PCDHA9: variants seen among roughly 807,000 people sequenced by gnomAD.
The protein encoded by PCDHA9 is protocadherin alpha-9.
PCDHA9 carries 62 observed loss-of-function variants against 62.0 expected under a neutral mutation model. The ratio of observed to expected loss-of-function variants is 1.00; its 90% CI spans 0.81 to 1.23. The LOEUF is 1.23. Among genes scored for constraint, PCDHA9 ranks in the 50% most tolerant of loss-of-function variants. PCDHA9 has a pLI of 0.00. For synonymous variants in PCDHA9, 557 were observed against 567.6 expected, an observed-to-expected ratio of 0.98 and a Z score of 0.27; for missense variants, 1,205 against 1,249.8, an observed-to-expected ratio of 0.96 and a Z score of 0.54.
At position 140,849,621 on chromosome 5, in the gene PCDHA9, G is replaced by C. The variant is rs2150442688; in HGVS notation, c.1126G>C (p.Asp376His). 15 of 1,598,666 alleles carry C rather than the reference G, an allele frequency of 9.4e-6. 1 individual carries two copies. The highest frequency in any genetic ancestry group is 1.7e-5 in the Admixed American group (1 of 59,290). ...AGTTATTGCCCTGATTAGTGTGATCGACCTAGACGCAGATGCCAACGGGCA... is the reference window on the plus strand; with the variant it reads ...AGTTATTGCCCTGATTAGTGTGATCCACCTAGACGCAGATGCCAACGGGCA... Reference protein sequence around the residue: ...GTVIALISVIDLDADANGQVT... With the variant: ...GTVIALISVIHLDADANGQVT... The change falls in exon 1 of 4, where the codon GAC becomes CAC. Residue 376 changes from aspartate to histidine, a missense_variant. Asp to His is a moderately conservative substitution (Grantham distance 81, BLOSUM62 -1). Coordinates refer to ENST00000532602, the MANE Select transcript of PCDHA9 (RefSeq NM_031857.2).
rs140822878 is a variant in PCDHA9 at position 140,941,951 on chromosome 5, A to C, written c.2395-36998A>C. Among the ~76,000 whole-genome samples the C allele has an allele frequency of 9.8e-5, 15 of 152,306 alleles. No individual in the cohort carries two copies. The East Asian group carries it at 2.7e-3, about 27-fold the overall frequency. On this transcript the variant is annotated intron_variant, in intron 1 of 3. Transcript: ENST00000532602. Reference sequence around the variant, plus strand: ...ATATTTGAATTACTTTTGTTTTGAAAACAATAGTATCTTTACTTTCCCTAA... The same window carrying C: ...ATATTTGAATTACTTTTGTTTTGAACACAATAGTATCTTTACTTTCCCTAA...
chr5:140,875,151 A>G (rs1219163731), intron 1 of PCDHA9, among the ~76,000 whole-genome samples: 1 of 152,220 alleles, frequency 6.6e-6, no homozygotes, highest in Non-Finnish European at 1.5e-5. Flanking sequence ...ATGATCCGTG[A>G]AAAATAACCC....
At chr5:140,866,727 T>C (rs1254232410) in intron 1 of PCDHA9, 1 of 152,170 alleles carries the variant, frequency 6.6e-6, no homozygotes, top group East Asian at 1.9e-4. Context: ...CATTAAACTA[T>C]GCACTCTAAT....
At position 140,926,851 on chromosome 5, in the gene PCDHA9, T is replaced by C. The variant is rs201136210; in HGVS notation, c.2395-52098T>C. 6.6e-6 allele frequency: 10 copies of C among 1,517,220 alleles called. No individual in the cohort carries two copies. In the Admixed American group the frequency reaches 6.6e-5, roughly 10 times the overall value. The allele number at this position is 1,517,220 out of a possible 1,614,324, so 94.0% of individuals were successfully genotyped here. ...TCCGGAGCATGGTCCTGGGTCACCGTTGGTGTAGCGTGTTGGTGGAACGTG... is the reference window on the plus strand; with the variant it reads ...TCCGGAGCATGGTCCTGGGTCACCGCTGGTGTAGCGTGTTGGTGGAACGTG... On this transcript the variant is annotated intron_variant, in intron 1 of 3. Coordinates refer to ENST00000532602, the MANE Select transcript of PCDHA9 (RefSeq NM_031857.2).
chr5:140,852,691 T>A, intron 1 of PCDHA9: 2 of 974,798 alleles, frequency 2.1e-6, no homozygotes, highest in Non-Finnish European at 2.5e-6. Flanking sequence ...TATAGTCTTA[T>A]ACTTTCAAGT....
rs1476497862 is a variant in PCDHA9 at position 140,947,129 on chromosome 5, T to TAGTAAAATG, written c.2395-31819_2395-31811dup. Among the ~76,000 whole-genome samples the TAGTAAAATG allele has an allele frequency of 1.0e-3, 152 of 151,378 alleles. 1 individual carries two copies. Among genetic ancestry groups the TAGTAAAATG allele is most frequent in the African/African-American group, 3.5e-3 (145 of 41,346 alleles). On this transcript the variant is annotated intron_variant, in intron 1 of 3. Transcript: ENST00000532602. The stretch of plus-strand genomic sequence containing the variant: ...TACGTGTCAATTAAAATAATAAAAA[T>TAGTAAAATG]AGTAAAATGTATAGTTACTTCCACG...
At chr5:140,875,450 C>T (rs199938092) in intron 1 of PCDHA9, 2 of 1,590,620 alleles carry the variant, frequency 1.3e-6, no homozygotes, top group African/African-American at 1.3e-5. Flanking sequence ...ATTGTCCCAA[C>T]TCAGAGGCCC....
chr5:140,919,981 T>TA (rs869118855), intron 1 of PCDHA9, among the ~76,000 whole-genome samples: 2 of 133,388 alleles, frequency 1.5e-5, no homozygotes, highest in Admixed American at 7.6e-5. Flanking sequence ...AGATAGAAGA[T>TA]GGAAAACAGA....
At chr5:140,991,180 C>T (rs2097436577) in intron 3 of PCDHA9, among the ~76,000 whole-genome samples, 1 of 152,160 alleles carries the variant, frequency 6.6e-6, no homozygotes. Context: ...AAGCAGGATG[C>T]CTAGCACACA....
At position 140,849,762 on chromosome 5, in the gene PCDHA9, C is replaced by T. The variant is rs2150448750; in HGVS notation, c.1267C>T (p.Leu423=). 1.3e-6 allele frequency: 2 copies of T among 1,598,528 alleles called. No individual in the cohort carries two copies. Among genetic ancestry groups the T allele is most frequent in the Middle Eastern group, 1.7e-4 (1 of 5,854 alleles). Residue 423 remains leucine, a synonymous_variant, in exon 1 of 4, where the codon CTG becomes TTG. Coordinates refer to ENST00000532602, the MANE Select transcript of PCDHA9 (RefSeq NM_031857.2). ...CCGCGAGAGTGTGTCCGCCTACGAG[C>T]TGGTGGTTACCGCGCGGGACGGGGG... ...LDRESVSAYE[L]VVTARDGGSP...
At chr5:140,930,814 T>A (rs1554208117) in intron 1 of PCDHA9, among the ~76,000 whole-genome samples, 1 of 152,210 alleles carries the variant, frequency 6.6e-6, no homozygotes, top group Non-Finnish European at 1.5e-5. Flanking sequence ...AAGATATGCT[T>A]AGTAAATGCT....
chr5:140,882,071 A>T (rs2058936449), intron 1 of PCDHA9: 4 of 864,074 alleles, frequency 4.6e-6, no homozygotes, highest in Admixed American at 2.9e-5. Context: ...GTTCATGCGC[A>T]TGGTGTCGCT....
rs2150469499 is a variant in PCDHA9 at position 140,850,144 on chromosome 5, C to T, written c.1649C>T (p.Thr550Met). 59 of 1,595,512 alleles carry T rather than the reference C, an allele frequency of 3.7e-5. 6 individuals carry two copies. Among genetic ancestry groups the T allele is most frequent in the Non-Finnish European group, 4.5e-5 (53 of 1,167,848 alleles). Residue 550 changes from threonine (T) to methionine (M), a missense_variant, in exon 1 of 4, where the codon ACG (threonine) becomes ATG (methionine). Physicochemically the swap from Thr to Met is moderately conservative, Grantham distance 81. Coordinates refer to ENST00000532602, the MANE Select transcript of PCDHA9 (RefSeq NM_031857.2). ...AGVPPLGSNVTLQVFVLDEND... is the reference protein window; with the variant it reads ...AGVPPLGSNVMLQVFVLDEND... ...GTGCCGCCTCTGGGCAGCAACGTGA[C>T]GCTGCAGGTGTTCGTGCTGGACGAG... is the stretch of plus-strand genomic sequence containing the variant.
intron 1 of PCDHA9, chr5:140,862,369 C>G: frequency 2.9e-6 from 1 of 341,442 alleles, no homozygotes; most frequent in South Asian, 2.3e-5. Flanking sequence ...CGACCCGCAC[C>G]CTGACTCCTC....
chr5:140,873,548 T>C lies in PCDHA9; in HGVS notation c.2394+22659T>C, dbSNP rs1434309989. ...GCATTCTATGGTATAAAATTATAAT[T>C]TCAATTTATTTTCTAGTTTGGTTGT... On this transcript the variant is annotated intron_variant, in intron 1 of 3. Coordinates refer to ENST00000532602, the MANE Select transcript of PCDHA9 (RefSeq NM_031857.2). Among the ~76,000 whole-genome samples, 5 of 151,990 alleles carry C rather than the reference T, an allele frequency of 3.3e-5. No individual in the cohort carries two copies. In the East Asian group the frequency reaches 7.7e-4, roughly 23 times the overall value.
intron 1 of PCDHA9, chr5:140,866,984 A>G (rs2049692494): frequency 6.6e-6 from 1 of 152,180 alleles, no homozygotes; most frequent in African/African-American, 2.4e-5. Flanking sequence ...ATCACAGCCA[A>G]AATGCAAAAG....
chr5:140,952,327 A>G (rs1407008388), intron 1 of PCDHA9, among the ~76,000 whole-genome samples: 2 of 134,678 alleles, frequency 1.5e-5, no homozygotes, highest in Non-Finnish European at 1.6e-5. Flanking sequence ...AACAAGAGTG[A>G]AACTCCATCT....
chr5:140,864,654 C>T (rs1554159035), intron 1 of PCDHA9: 1 of 152,246 alleles, frequency 6.6e-6, no homozygotes, highest in Non-Finnish European at 1.5e-5. Context: ...GTCAGCTCTA[C>T]TTAATTACCT....
At chr5:140,954,787 T>C (rs2095088208) in intron 1 of PCDHA9, among the ~76,000 whole-genome samples, 1 of 152,218 alleles carries the variant, frequency 6.6e-6, no homozygotes, top group African/African-American at 2.4e-5. Flanking sequence ...TAGATCTCAT[T>C]TGTCAATTTT....
Sources: allele counts gnomAD v4.1 joint callset (sites outside exome capture counted in the v4.1 genomes callset), GRCh38; gene constraint gnomAD v4.1.1; transcripts MANE v1.5; gene names NCBI Gene and HGNC (gene_info 2026-07-23, HGNC 2026-07-21).